The following GALNT7 variants were observed in gnomAD, a reference collection of about 807,000 sequenced individuals.
GALNT7 encodes the protein N-acetylgalactosaminyltransferase 7.
GALNT7 carries 60 observed loss-of-function variants against 82.1 expected under a neutral mutation model. The ratio of observed to expected loss-of-function variants is 0.73; its 90% CI spans 0.59 to 0.91. The LOEUF (loss-of-function observed/expected upper bound fraction) is 0.91, where lower values mean the gene tolerates loss of function less well. Among genes scored for constraint, GALNT7 ranks in the 40% least tolerant of loss-of-function variants. GALNT7 has a pLI of 0.00. For synonymous variants in GALNT7, 243 were observed against 275.1 expected (o/e 0.88, Z 1.15); for missense variants, 660 against 804.2 (o/e 0.82, Z 2.17).
intron 1 of GALNT7, among the ~76,000 whole-genome samples, chr4:173,229,062 C>T (rs1462714192): frequency 6.6e-6 from 1 of 152,122 alleles, no homozygotes; most frequent in Non-Finnish European, 1.5e-5. Flanking sequence ...TTTTTGAAGA[C>T]CATTTTGTGT....
intron 2 of GALNT7, chr4:173,282,355 G>C (rs910995426): frequency 6.6e-6 from 1 of 152,206 alleles, no homozygotes; most frequent in African/African-American, 2.4e-5. Context: ...AGAACAAACG[G>C]CTTCTTTTCT....
chr4:173,197,393 A>G (rs1732811249), intron 1 of GALNT7, among the ~76,000 whole-genome samples: 1 of 152,162 alleles, frequency 6.6e-6, no homozygotes, highest in Non-Finnish European at 1.5e-5. Context: ...AGTTTTATAC[A>G]CCCTAGAGTG....
At chr4:173,198,417 A>C (rs778386092) in intron 1 of GALNT7, among the ~76,000 whole-genome samples, 30 of 152,098 alleles carry the variant, frequency 2.0e-4, no homozygotes, top group South Asian at 8.3e-4. Flanking sequence ...GCACTTCTTA[A>C]AGCAATGTCA....
At chr4:173,180,429 G>A (rs1732208124) in intron 1 of GALNT7, among the ~76,000 whole-genome samples, 1 of 146,646 alleles carries the variant, frequency 6.8e-6, no homozygotes, top group Non-Finnish European at 1.5e-5. Context: ...CCAGGTTCAA[G>A]CAATTCTCCT....
intron 1 of GALNT7, among the ~76,000 whole-genome samples, chr4:173,226,891 C>T (rs948164085): frequency 1.3e-5 from 2 of 152,048 alleles, no homozygotes; most frequent in African/African-American, 4.8e-5. Context: ...TGGAAGACCT[C>T]GAAATACTTT....
In GALNT7 at chr4:173,225,018, A is replaced by AAATAATAATAAT. The variant is rs70944438; in HGVS notation, c.127-22940_127-22929dup. ...CGACAGAGCGAGACTCTGTCTCAAA[A>AAATAATAATAAT]AATAATAATAATAATAATAATAATA... On this transcript the variant is annotated intron_variant, in intron 1 of 11. Transcript: ENST00000265000. Among the ~76,000 whole-genome samples the AAATAATAATAAT allele has an allele frequency of 2.9e-3, 419 of 144,564 alleles. 3 individuals carry two copies. The highest frequency in any genetic ancestry group is 0.01 in the African/African-American group (403 of 39,350). The allele number at this position is 144,564 out of a possible 152,430, so 94.8% of individuals were successfully genotyped here.
At chr4:173,178,053 G>GCGCA (rs1491228654) in intron 1 of GALNT7, among the ~76,000 whole-genome samples, 1 of 92,514 alleles carries the variant, frequency 1.1e-5, no homozygotes, top group African/African-American at 4.8e-5. Flanking sequence ...GTGTGTGTGT[G>GCGCA]CGCGCACGCG....
intron 2 of GALNT7, among the ~76,000 whole-genome samples, chr4:173,273,853 G>A (rs1468029950): frequency 6.6e-6 from 1 of 152,122 alleles, no homozygotes; most frequent in African/African-American, 2.4e-5. Context: ...GGAATAAGGT[G>A]TAGCATAAGT....
chr4:173,323,534 T>C lies in GALNT7; in HGVS notation c.*1817T>C, dbSNP rs1409539915. ...TTGCAAATAGGCTCCATTTTCCATG[T>C]TGAGTAGATTATAACCTTATTAACT... On this transcript the variant is annotated 3_prime_UTR_variant, in exon 12 of 12. Coordinates refer to ENST00000265000, the MANE Select transcript of GALNT7 (RefSeq NM_017423.3). 1 of 152,632 alleles carries C rather than the reference T, an allele frequency of 6.6e-6. No homozygotes were observed. The highest frequency in any genetic ancestry group is 2.1e-4 in the South Asian group (1 of 4,834). The allele number at this position is 152,632 out of a possible 1,614,324, so 9.5% of individuals were successfully genotyped here.
At chr4:173,184,563 G>T (rs577282946) in intron 1 of GALNT7, among the ~76,000 whole-genome samples, 45 of 150,350 alleles carry the variant, frequency 3.0e-4, no homozygotes, top group African/African-American at 9.8e-4. Context: ...GTCCAGCCTC[G>T]GCTCGGCATC....
intron 1 of GALNT7, among the ~76,000 whole-genome samples, chr4:173,179,823 A>G (rs1048548896): frequency 1.3e-5 from 2 of 152,252 alleles, no homozygotes; most frequent in African/African-American, 4.8e-5. Flanking sequence ...AGTAAGGTAC[A>G]GTTGTACATT....
At chr4:173,268,715 A>G (rs1006708787) in intron 2 of GALNT7, among the ~76,000 whole-genome samples, 111 of 132,476 alleles carry the variant, frequency 8.4e-4, no homozygotes, top group African/African-American at 2.9e-3. Flanking sequence ...TTTTTTTTGT[A>G]TTTTTAGTAG....
intron 1 of GALNT7, among the ~76,000 whole-genome samples, chr4:173,205,934 G>T (rs901303997): frequency 2.6e-5 from 4 of 152,008 alleles, no homozygotes; most frequent in African/African-American, 9.7e-5. Context: ...GAGACAGCCT[G>T]CCAGGCTAGC....
chr4:173,186,161 G>A (rs757467347), intron 1 of GALNT7, among the ~76,000 whole-genome samples: 4 of 152,174 alleles, frequency 2.6e-5, no homozygotes, highest in Non-Finnish European at 4.4e-5. Context: ...AAAAAATTGC[G>A]TTGATAACCA....
At chr4:173,309,767 T>A (rs1737308905) in intron 8 of GALNT7, among the ~76,000 whole-genome samples, 1 of 152,086 alleles carries the variant, frequency 6.6e-6, no homozygotes, top group African/African-American at 2.4e-5. Flanking sequence ...ATTGGCCAAA[T>A]GAAGCCCCAG....
At chr4:173,183,786 C>G (rs375172709) in intron 1 of GALNT7, among the ~76,000 whole-genome samples, 1,998 of 150,642 alleles carry the variant, frequency 0.013, 35 homozygotes, top group East Asian at 0.053. Flanking sequence ...AGGGACTGCC[C>G]CCCACCTCCC....
At chr4:173,264,259 C>T (rs1168913931) in intron 2 of GALNT7, among the ~76,000 whole-genome samples, 2 of 152,064 alleles carry the variant, frequency 1.3e-5, no homozygotes, top group African/African-American at 4.8e-5. Flanking sequence ...GAAGAATTCA[C>T]CCAAAGCCAG....
intron 2 of GALNT7, among the ~76,000 whole-genome samples, chr4:173,283,070 G>A (rs1579987906): frequency 6.6e-6 from 1 of 152,320 alleles, no homozygotes. Flanking sequence ...ACAGGAATAA[G>A]CAGGGTTAGT....
At chr4:173,290,040 C>T (rs1736477524) in intron 2 of GALNT7, among the ~76,000 whole-genome samples, 1 of 152,060 alleles carries the variant, frequency 6.6e-6, no homozygotes, top group Non-Finnish European at 1.5e-5. Flanking sequence ...ACTATGGAGC[C>T]GCTGTTATGT....
Sources: allele counts gnomAD v4.1 joint callset (sites outside exome capture counted in the v4.1 genomes callset), GRCh38; gene constraint gnomAD v4.1.1; transcripts MANE v1.5; gene names NCBI Gene and HGNC (gene_info 2026-07-23, HGNC 2026-07-21).